Variants in GREB1L observed in about 807,000 individuals in gnomAD.
GREB1L encodes GREB1 like retinoic acid receptor coactivator, also known as GREB1-like protein.
Under a neutral mutation model 200.8 loss-of-function variants are expected in GREB1L, and 17 were observed. That is an observed-to-expected ratio of 0.08 (90% confidence interval 0.06 to 0.13). The LOEUF (loss-of-function observed/expected upper bound fraction) is 0.13, where lower values mean the gene tolerates loss of function less well. Among genes scored for constraint, GREB1L ranks in the 10% least tolerant of loss-of-function variants. GREB1L has a pLI of 1.00. For synonymous variants in GREB1L, 789 were observed against 893.0 expected (o/e 0.88, Z 2.08); for missense variants, 1,657 against 2,367.7 (o/e 0.70, Z 6.23).
intron 15 of GREB1L, among the ~76,000 whole-genome samples, chr18:21,458,482 G>A (rs1345362587): frequency 1.3e-5 from 2 of 152,204 alleles, no homozygotes; most frequent in Non-Finnish European, 2.9e-5. Context: ...GCCAGGAAAA[G>A]CACCCAGGCA....
chr18:21,275,875 A>C (rs1260153208), intron 1 of GREB1L, among the ~76,000 whole-genome samples: 1 of 152,152 alleles, frequency 6.6e-6, no homozygotes, highest in African/African-American at 2.4e-5. Context: ...ACAGTGACGG[A>C]GTTGAATGTG....
At chr18:21,435,301 T>C (rs570537772) in intron 7 of GREB1L, among the ~76,000 whole-genome samples, 1 of 152,292 alleles carries the variant, frequency 6.6e-6, no homozygotes, top group Non-Finnish European at 1.5e-5. Flanking sequence ...GGAAGTGACA[T>C]AACAATCTGA....
chr18:21,328,476 T>C (rs569807645), intron 1 of GREB1L, among the ~76,000 whole-genome samples: 1 of 152,308 alleles, frequency 6.6e-6, no homozygotes, highest in Non-Finnish European at 1.5e-5. Context: ...TCTGCAGTAG[T>C]TCAAATGGAG....
intron 7 of GREB1L, among the ~76,000 whole-genome samples, chr18:21,415,446 G>C (rs1477638708): frequency 6.6e-6 from 1 of 152,124 alleles, no homozygotes; most frequent in East Asian, 1.9e-4. Context: ...AGGCTGAAGT[G>C]AGCTATGATT....
intron 1 of GREB1L, among the ~76,000 whole-genome samples, chr18:21,257,839 G>C (rs1034791011): frequency 2.6e-5 from 4 of 152,122 alleles, no homozygotes; most frequent in African/African-American, 9.7e-5. Flanking sequence ...TATTAAAAAT[G>C]TACCCCACCT....
chr18:21,311,857 G>A (rs1002093172), intron 1 of GREB1L, among the ~76,000 whole-genome samples: 1 of 151,904 alleles, frequency 6.6e-6, no homozygotes, highest in Non-Finnish European at 1.5e-5. Flanking sequence ...AGGTTCAAGG[G>A]TACATGTGCA....
At chr18:21,244,511 A>G (rs2037563917) in intron 1 of GREB1L, among the ~76,000 whole-genome samples, 1 of 152,146 alleles carries the variant, frequency 6.6e-6, no homozygotes, top group Admixed American at 6.5e-5. Context: ...CCACTCAGTT[A>G]GATAAAGGAA....
intron 2 of GREB1L, among the ~76,000 whole-genome samples, chr18:21,379,666 G>T (rs1262079188): frequency 1.3e-5 from 2 of 152,218 alleles, no homozygotes; most frequent in African/African-American, 4.8e-5. Flanking sequence ...GGTTAACTCT[G>T]TGCTAGTTCC....
At chr18:21,356,035 G>A (rs1450545346) in intron 1 of GREB1L, among the ~76,000 whole-genome samples, 1 of 135,430 alleles carries the variant, frequency 7.4e-6, no homozygotes, top group Non-Finnish European at 1.5e-5. Context: ...CGCCCAGGCT[G>A]GAGTGCAGTG....
chr18:21,278,421 TAAATA>T (rs1378685479), intron 1 of GREB1L, among the ~76,000 whole-genome samples: 1 of 146,524 alleles, frequency 6.8e-6, no homozygotes, highest in Non-Finnish European at 1.5e-5. Context: ...AATAAATAAA[TAAATA>T]AATAAAGTTA....
intron 7 of GREB1L, among the ~76,000 whole-genome samples, chr18:21,425,933 G>A (rs2032532461): frequency 6.6e-6 from 1 of 151,848 alleles, no homozygotes; most frequent in African/African-American, 2.4e-5. Flanking sequence ...TGTTTTCGGT[G>A]TTATAGCTAA....
chr18:21,501,354 T>C (rs1369090838), intron 23 of GREB1L, among the ~76,000 whole-genome samples: 1 of 152,000 alleles, frequency 6.6e-6, no homozygotes, highest in African/African-American at 2.4e-5. Context: ...TACCAACCCG[T>C]CATCTACGTT....
chr18:21,390,329 C>A (rs572515454), intron 4 of GREB1L, among the ~76,000 whole-genome samples: 2 of 152,050 alleles, frequency 1.3e-5, no homozygotes, highest in East Asian at 3.9e-4. Flanking sequence ...CAGCCTCAGG[C>A]AGGTCCTTTA....
chr18:21,447,178 G>A (rs903996882), intron 11 of GREB1L, among the ~76,000 whole-genome samples: 1 of 152,222 alleles, frequency 6.6e-6, no homozygotes, highest in East Asian at 1.9e-4. Context: ...TCAGCACCTT[G>A]GGAGGCTGAG....
At chr18:21,412,210 C>T (rs1193175289) in intron 7 of GREB1L, among the ~76,000 whole-genome samples, 1 of 151,264 alleles carries the variant, frequency 6.6e-6, no homozygotes, top group Non-Finnish European at 1.5e-5. Flanking sequence ...CTAGCCTTGT[C>T]TTGAACATAG....
Position 21,500,629 on chromosome 18 carries a change from G to A in GREB1L, c.4059G>A (p.Glu1353=). 6.5e-7 allele frequency: 1 copy of A among 1,542,004 alleles called. No homozygotes were observed. Among genetic ancestry groups the A allele is most frequent in the Non-Finnish European group, 8.8e-7 (1 of 1,142,558 alleles). Residue 1353 remains glutamate (E), a synonymous_variant, in exon 23 of 33, where the codon GAG becomes GAA. Transcript: ENST00000424526. ...TGGAGGTGGACGTGTATGATGAGGA[G>A]GAGATCAACACCGGTGAGTGCTGAG... The part of the protein sequence containing the change: ...RLLEVDVYDE[E]EINTDHNESS...
chr18:21,312,261 A>G (rs558539597), intron 1 of GREB1L, among the ~76,000 whole-genome samples: 50 of 152,256 alleles, frequency 3.3e-4, no homozygotes, highest in African/African-American at 1.0e-3. Flanking sequence ...TGTCTTTGCT[A>G]TTGTGAATAG....
At chr18:21,243,525 T>C (rs2143793221) in intron 1 of GREB1L, among the ~76,000 whole-genome samples, 1 of 152,342 alleles carries the variant, frequency 6.6e-6, no homozygotes, top group East Asian at 1.9e-4. Context: ...AATCCCTGCT[T>C]AAATCACATT....
intron 15 of GREB1L, among the ~76,000 whole-genome samples, chr18:21,462,473 G>A (rs1254468530): frequency 6.6e-6 from 1 of 152,164 alleles, no homozygotes; most frequent in African/African-American, 2.4e-5. Context: ...TTTTTGAGGT[G>A]GAGTCTTGCT....
Sources: allele counts gnomAD v4.1 joint callset (sites outside exome capture counted in the v4.1 genomes callset), GRCh38; gene constraint gnomAD v4.1.1; transcripts MANE v1.5; gene names NCBI Gene and HGNC (gene_info 2026-07-23, HGNC 2026-07-21).